The following UGT1A9 variants were observed in gnomAD, a reference collection of about 807,000 sequenced individuals.
The protein encoded by UGT1A9 is UDP-glucuronosyltransferase 1A9.
UGT1A9 carries 35 observed loss-of-function variants against 45.0 expected under a neutral mutation model. The ratio of observed to expected loss-of-function variants is 0.78; its 90% CI spans 0.59 to 1.03. UGT1A9 has a LOEUF of 1.03. UGT1A9 is among the 50% of genes least tolerant of loss of function. The probability of loss-of-function intolerance (pLI) is 0.00; values close to 1 mark genes in which losing one functional copy is unlikely to be tolerated. For missense variants in UGT1A9, 687 were observed against 666.6 expected (o/e 1.03, Z -0.34); for synonymous variants, 278 against 250.6 (o/e 1.11, Z -1.03).
intron 1 of UGT1A9, among the ~76,000 whole-genome samples, chr2:233,709,556 A>C (rs971239686): frequency 6.6e-6 from 1 of 152,160 alleles, no homozygotes; most frequent in Non-Finnish European, 1.5e-5. Flanking sequence ...AGTACTTATA[A>C]ATTTAAACTT....
At chr2:233,715,755 G>T (rs1575510895) in intron 1 of UGT1A9, among the ~76,000 whole-genome samples, 1 of 152,198 alleles carries the variant, frequency 6.6e-6, no homozygotes, top group Middle Eastern at 3.2e-3. Flanking sequence ...CTGAGTGACA[G>T]AGCGAGGACC....
At chr2:233,711,506 A>G (rs1260347512) in intron 1 of UGT1A9, among the ~76,000 whole-genome samples, 3 of 152,160 alleles carry the variant, frequency 2.0e-5, no homozygotes, top group African/African-American at 4.8e-5. Flanking sequence ...ATCCCTTTCT[A>G]GCGCTCTGTG....
intron 1 of UGT1A9, among the ~76,000 whole-genome samples, chr2:233,690,306 T>C (rs2074984284): frequency 6.6e-6 from 1 of 152,220 alleles, no homozygotes. Context: ...CTGGCTCCAT[T>C]ACTTATGGGT....
At chr2:233,690,713 G>A (rs758737134) in intron 1 of UGT1A9, 39 of 1,220,018 alleles carry the variant, frequency 3.2e-5, no homozygotes, top group Non-Finnish European at 4.1e-5. Flanking sequence ...TCGTCATTAT[G>A]ACGAACAGAC....
chr2:233,752,072 T>C (rs1694888603), intron 1 of UGT1A9, among the ~76,000 whole-genome samples: 1 of 152,194 alleles, frequency 6.6e-6, no homozygotes, highest in Non-Finnish European at 1.5e-5. Flanking sequence ...GATGGGGAAG[T>C]CTCTCTACCT....
chr2:233,747,765 A>T, intron 1 of UGT1A9: 1 of 1,613,500 alleles, frequency 6.2e-7, no homozygotes, highest in Non-Finnish European at 8.5e-7. Context: ...CTTTAAGGGC[A>T]CACAGTGTCC....
chr2:233,744,339 T>G (rs368123082), intron 1 of UGT1A9, among the ~76,000 whole-genome samples: 1 of 151,880 alleles, frequency 6.6e-6, no homozygotes, highest in African/African-American at 2.4e-5. Context: ...TTAGTCTGAC[T>G]GGGGCTGAAG....
intron 1 of UGT1A9, among the ~76,000 whole-genome samples, chr2:233,700,609 TG>T (rs34100835): frequency 2.6e-5 from 4 of 152,150 alleles, no homozygotes; most frequent in Non-Finnish European, 5.9e-5. Context: ...ACTCTTTTTT[TG>T]GGGGGGTTCC....
intron 1 of UGT1A9, among the ~76,000 whole-genome samples, chr2:233,724,281 C>G (rs1325936815): frequency 2.7e-5 from 3 of 112,012 alleles, no homozygotes; most frequent in Admixed American, 8.5e-5. Flanking sequence ...GCTGGCCGGG[C>G]GGGGGGCTGA....
chr2:233,720,704 C>CT (rs796417980), intron 1 of UGT1A9, among the ~76,000 whole-genome samples: 446 of 139,112 alleles, frequency 3.2e-3, no homozygotes, highest in South Asian at 5.2e-3. Context: ...GGGAGCCATC[C>CT]TTTTTTTTTT....
intron 1 of UGT1A9, chr2:233,740,766 G>A (rs189465133): frequency 3.0e-4 from 46 of 151,826 alleles, no homozygotes; most frequent in Admixed American, 7.8e-4. Context: ...TTATCAAACC[G>A]TTGTATAAAA....
chr2:233,693,363 GC>G, intron 1 of UGT1A9: 1 of 1,614,086 alleles, frequency 6.2e-7, no homozygotes, highest in Non-Finnish European at 8.5e-7. Context: ...ATTGTTATTG[GC>G]CTGTACTTCA....
intron 1 of UGT1A9, among the ~76,000 whole-genome samples, chr2:233,694,083 G>C (rs971459828): frequency 6.6e-6 from 1 of 152,210 alleles, no homozygotes. Flanking sequence ...CTTGGCAAGA[G>C]TAGGAGATTT....
rs553866736 is a variant in UGT1A9 at position 233,748,743 on chromosome 2, G to A, written c.856-18291G>A. 1.8e-4 allele frequency among the ~76,000 whole-genome samples: 28 copies of A among 151,644 alleles called. No individual in the cohort carries two copies. The South Asian group carries it at 2.7e-3, about 15-fold the overall frequency. The stretch of plus-strand genomic sequence containing the variant: ...ATGATGTGGGGACATCTCAGAGTTC[G>A]GAAGGCATAGTTTTGGTTGCAGGTC... On this transcript the variant is annotated intron_variant, in intron 1 of 4. Transcript: ENST00000354728.
intron 1 of UGT1A9, chr2:233,719,251 C>T: frequency 1.2e-6 from 2 of 1,614,174 alleles, no homozygotes; most frequent in Non-Finnish European, 1.7e-6. Context: ...CTGAATGCTA[C>T]TTCCTTTGAT....
chr2:233,695,207 C>A (rs1327154624), intron 1 of UGT1A9, among the ~76,000 whole-genome samples: 2 of 151,466 alleles, frequency 1.3e-5, no homozygotes, highest in East Asian at 1.9e-4. Flanking sequence ...CCCACTGCAA[C>A]CTCCACCTCC....
At chr2:233,765,641 G>C (rs914163891) in intron 1 of UGT1A9, among the ~76,000 whole-genome samples, 18 of 151,492 alleles carry the variant, frequency 1.2e-4, no homozygotes, top group Admixed American at 9.9e-4. Flanking sequence ...TTAGAGGATA[G>C]GTCAATAGGT....
intron 1 of UGT1A9, among the ~76,000 whole-genome samples, chr2:233,757,337 A>G (rs1976391): frequency 0.35 from 51,596 of 146,046 alleles, 9,773 homozygotes; most frequent in African/African-American, 0.44. Context: ...TGGGACCATG[A>G]CAGCTGGGTC....
intron 1 of UGT1A9, among the ~76,000 whole-genome samples, chr2:233,762,456 GATA>G (rs1312099964): frequency 6.6e-6 from 1 of 152,130 alleles, no homozygotes; most frequent in African/African-American, 2.4e-5. Flanking sequence ...CCCACTTACC[GATA>G]ATGTCATGGA....
Sources: allele counts gnomAD v4.1 joint callset (sites outside exome capture counted in the v4.1 genomes callset), GRCh38; gene constraint gnomAD v4.1.1; transcripts MANE v1.5; gene names NCBI Gene and HGNC (gene_info 2026-07-23, HGNC 2026-07-21).